The following SLC15A4 variants were observed in gnomAD, a reference collection of about 807,000 sequenced individuals.
The protein encoded by SLC15A4 is hPHT1.
In SLC15A4, 26 loss-of-function variants were observed where a neutral mutation model predicts 46.1. The observed-to-expected ratio is 0.56, with a 90% CI of 0.41 to 0.78. The LOEUF is 0.78. SLC15A4 is among the 30% of genes least tolerant of loss of function. The pLI, the probability that SLC15A4 is intolerant of heterozygous loss-of-function variation, is 0.00. For synonymous variants in SLC15A4, 370 were observed against 333.4 expected, an observed-to-expected ratio of 1.11 and a Z score of -1.20; for missense variants, 751 against 755.7, an observed-to-expected ratio of 0.99 and a Z score of 0.07.
rs1002777769 is a variant in SLC15A4, at chr12:128,799,403, A to T, written c.1429T>A (p.Tyr477Asn). The T allele has an allele frequency of 6.2e-7, 1 of 1,614,024 alleles. No homozygotes were observed. The change falls in exon 7 of 8, where the codon TAC becomes AAC. Residue 477 changes from tyrosine (Y) to asparagine (N), a missense_variant. Coordinates refer to ENST00000266771, the MANE Select transcript of SLC15A4 (RefSeq NM_145648.4). ...TGCATGGACTTGGGGGCAGCTGAGT[A>T]TGCAAATTCCAGGCCTGAGGAAAGA... ...FASIAGLEFA[Y>N]SAAPKSMQSA... is the part of the protein sequence containing the mutation.
chr12:128,804,587 G>A (rs907069583), intron 5 of SLC15A4, among the ~76,000 whole-genome samples: 9 of 152,076 alleles, frequency 5.9e-5, no homozygotes, highest in South Asian at 2.1e-4. Flanking sequence ...AAAATTAGCC[G>A]GGCATGGTGG....
At position 128,793,894 on chromosome 12, in the gene SLC15A4, T is replaced by G; in HGVS notation, c.*302A>C. 4.1e-6 allele frequency: 1 copy of G among 241,562 alleles called. No homozygotes were observed. Among genetic ancestry groups the G allele is most frequent in the African/African-American group, 2.2e-5 (1 of 44,794 alleles). The allele number at this position is 241,562 out of a possible 1,614,324, so 15.0% of individuals were successfully genotyped here. ...GTTCCCCAAGACTTTGCAATCTCCA[T>G]TTGTGAGTTTCTGTAAAAAAGGGAA... On this transcript the variant is annotated 3_prime_UTR_variant, in exon 8 of 8. Transcript: ENST00000266771.
At chr12:128,807,646 G>C (rs558074348) in intron 5 of SLC15A4, among the ~76,000 whole-genome samples, 51 of 152,334 alleles carry the variant, frequency 3.3e-4, no homozygotes, top group Admixed American at 5.2e-4. Flanking sequence ...GCACTCTGCT[G>C]AACCGCAGCC....
chr12:128,802,676 T>A (rs573654363), intron 5 of SLC15A4, among the ~76,000 whole-genome samples: 186 of 152,322 alleles, frequency 1.2e-3, no homozygotes, highest in African/African-American at 4.3e-3. Context: ...GCTACTGGCA[T>A]AGTTCTACCA....
intron 2 of SLC15A4, chr12:128,813,585 AC>A (rs1684304327): frequency 6.6e-6 from 1 of 152,240 alleles, no homozygotes; most frequent in African/African-American, 2.4e-5. Flanking sequence ...AGTAAGACAA[AC>A]ACAGACAGGC....
chr12:128,820,991 GGTC>G (rs1244342650), intron 1 of SLC15A4, among the ~76,000 whole-genome samples: 2 of 152,148 alleles, frequency 1.3e-5, no homozygotes, highest in Non-Finnish European at 2.9e-5. Flanking sequence ...CTATGAGAGA[GGTC>G]GTTTACAAGC....
At chr12:128,821,576 C>T (rs983492) in intron 1 of SLC15A4, among the ~76,000 whole-genome samples, 104,099 of 152,006 alleles carry the variant, frequency 0.68, 36,149 homozygotes, top group East Asian at 0.77. Context: ...CAAATGATCC[C>T]GTTTCCGACC....
At chr12:128,822,833 G>C (rs1955867091) in intron 1 of SLC15A4, among the ~76,000 whole-genome samples, 1 of 152,206 alleles carries the variant, frequency 6.6e-6, no homozygotes, top group South Asian at 2.1e-4. Context: ...ACTGCGCTCA[G>C]CGTATTTTTT....
intron 7 of SLC15A4, among the ~76,000 whole-genome samples, 195 bp downstream of exon 7, chr12:128,799,064 C>T (rs1955482678): frequency 6.6e-6 from 1 of 152,116 alleles, no homozygotes; most frequent in Admixed American, 6.5e-5. Context: ...CTGCTTGTCT[C>T]CTGAAAACCG....
intron 1 of SLC15A4, among the ~76,000 whole-genome samples, chr12:128,817,319 T>C (rs1257661595): frequency 1.3e-5 from 2 of 152,158 alleles, no homozygotes; most frequent in African/African-American, 4.8e-5. Context: ...ATACTAGACA[T>C]GGACCAGGAA....
In SLC15A4 at chr12:128,823,391, G is replaced by T; in HGVS notation, c.546+7C>A. On this transcript the variant is annotated splice_region_variant and intron_variant, in intron 1 of 7. Coordinates refer to ENST00000266771, the MANE Select transcript of SLC15A4 (RefSeq NM_145648.4). ...GGACAGGGACAGCGCGCGGGGGCGCGGCTCACCTGGTCGGCGCCGAAGGGC... is the reference window on the plus strand; with the variant it reads ...GGACAGGGACAGCGCGCGGGGGCGCTGCTCACCTGGTCGGCGCCGAAGGGC... The T allele has an allele frequency of 7.1e-7, 1 of 1,412,842 alleles. No individual in the cohort carries two copies. Among genetic ancestry groups the T allele is most frequent in the East Asian group, 3.0e-5 (1 of 33,616 alleles). The allele number at this position is 1,412,842 out of a possible 1,614,324, so 87.5% of individuals were successfully genotyped here. A position where few individuals can be genotyped will look rare whatever the true frequency, so the allele number is the denominator to read the frequency against.
At chr12:128,800,079 G>A (rs1017672178) in intron 6 of SLC15A4, among the ~76,000 whole-genome samples, 4 of 152,124 alleles carry the variant, frequency 2.6e-5, no homozygotes, top group Admixed American at 6.6e-5. Flanking sequence ...CTGACCTCAG[G>A]TGATCCACCC....
intron 5 of SLC15A4, among the ~76,000 whole-genome samples, chr12:128,808,450 T>C (rs1322150684): frequency 6.6e-6 from 1 of 152,208 alleles, no homozygotes; most frequent in Non-Finnish European, 1.5e-5. Flanking sequence ...TTGAGGATGA[T>C]ACAGTACCTT....
At chr12:128,815,298 C>G in intron 1 of SLC15A4, 1 of 198,232 alleles carries the variant, frequency 5.0e-6, no homozygotes, top group Non-Finnish European at 9.4e-6. Flanking sequence ...CACTAAATTC[C>G]AACAAATGCT....
intron 4 of SLC15A4, 69 bp downstream of exon 4, chr12:128,809,327 T>TTTA (rs1445571369): frequency 2.9e-5 from 28 of 964,342 alleles, no homozygotes; most frequent in Non-Finnish European, 4.1e-5. Flanking sequence ...GATTTACAGT[T>TTTA]GGTAGAAGGA....
At chr12:128,806,114 G>A (rs575900323) in intron 5 of SLC15A4, among the ~76,000 whole-genome samples, 6 of 139,860 alleles carry the variant, frequency 4.3e-5, no homozygotes, top group Middle Eastern at 4.3e-3. Context: ...AGCTTGCAGT[G>A]AGCTGAGATT....
At chr12:128,804,454 A>G (rs528379572) in intron 5 of SLC15A4, among the ~76,000 whole-genome samples, 1 of 152,370 alleles carries the variant, frequency 6.6e-6, no homozygotes, top group South Asian at 2.1e-4. Context: ...AATGAAAGCC[A>G]GGCCCAGTGG....
intron 7 of SLC15A4, among the ~76,000 whole-genome samples, chr12:128,794,733 CAG>C (rs1032171243): frequency 1.1e-4 from 16 of 152,218 alleles, no homozygotes; most frequent in African/African-American, 3.9e-4. Context: ...GTGAAGGGGA[CAG>C]TGTCGACGGA....
chr12:128,797,110 GAC>G (rs778589530), intron 7 of SLC15A4, among the ~76,000 whole-genome samples: 32 of 152,226 alleles, frequency 2.1e-4, no homozygotes, highest in Non-Finnish European at 3.5e-4. Context: ...CATTTGACAA[GAC>G]AGACTCTTGG....
Sources: gnomAD v4.1 joint callset for allele counts (sites outside exome capture counted in the v4.1 genomes callset) on GRCh38, gnomAD v4.1.1 for gene constraint, MANE v1.5 for transcripts, NCBI Gene and HGNC (gene_info 2026-07-23, HGNC 2026-07-21) for gene names.